VAV2: variants seen among roughly 807,000 people sequenced by gnomAD.
VAV2 encodes the protein guanine nucleotide exchange factor VAV2.
Under a neutral mutation model 132.5 loss-of-function variants are expected in VAV2, and 67 were observed. The observed-to-expected ratio is 0.51, with a 90% confidence interval of 0.42 to 0.62. VAV2 has a LOEUF of 0.62. VAV2 is among the 20% of genes least tolerant of loss of function. The pLI, the probability that VAV2 is intolerant of heterozygous loss-of-function variation, is 0.00. For missense variants in VAV2, 938 were observed against 1,153.6 expected (o/e 0.81, Z 2.71); for synonymous variants, 492 against 443.5 (o/e 1.11, Z -1.37).
At chr9:133,942,063 T>C (rs902330448) in intron 1 of VAV2, among the ~76,000 whole-genome samples, 2 of 152,214 alleles carry the variant, frequency 1.3e-5, no homozygotes, top group Non-Finnish European at 2.9e-5. Flanking sequence ...TGATGGTGCT[T>C]GCCAACAAAG....
chr9:133,934,047 G>A (rs959794284), intron 2 of VAV2, among the ~76,000 whole-genome samples: 5 of 150,582 alleles, frequency 3.3e-5, no homozygotes, highest in Admixed American at 3.3e-4. Flanking sequence ...TAGATGGATG[G>A]ACAGATGAAT....
Position 133,788,541 on chromosome 9 carries a change from C to T in VAV2, c.1275-55G>A, listed in dbSNP as rs371546104. On this transcript the variant is annotated intron_variant, in intron 14 of 29. Transcript: ENST00000371850. This position sits in a 1 kb window ranked among gnomAD's most constrained non-coding sequence, Gnocchi z 5.3. ...CACCCCAGCACTGTGTGCTCTGCTC[C>T]GAGGAGGCGGCAGGAGCTGAGCCTG... The T allele has an allele frequency of 5.0e-5, 78 of 1,572,330 alleles. 1 individual carries two copies. Among genetic ancestry groups the T allele is most frequent in the East Asian group, 4.8e-4 (21 of 43,788 alleles).
rs974961405 is a variant in VAV2, at chr9:133,848,053, G to A, written c.380+13321C>T. Among the ~76,000 whole-genome samples the A allele has an allele frequency of 3.3e-5, 5 of 152,116 alleles. No individual in the cohort carries two copies. In the South Asian group the frequency reaches 6.2e-4, roughly 19 times the overall value. On this transcript the variant is annotated intron_variant, in intron 3 of 29. Transcript: ENST00000371850. The stretch of plus-strand genomic sequence containing the variant: ...AGCACTTTGGGAGGCCGAGACGGGC[G>A]GATCACGAGGTCAGGAGATCGAGAC...
At chr9:133,859,852 C>T (rs140061052) in intron 3 of VAV2, among the ~76,000 whole-genome samples, 1 of 152,284 alleles carries the variant, frequency 6.6e-6, no homozygotes, top group East Asian at 1.9e-4. Context: ...TGGAAAATAG[C>T]CTATGCACCT....
At chr9:133,903,870 G>A (rs1400083143) in intron 2 of VAV2, among the ~76,000 whole-genome samples, 1 of 152,204 alleles carries the variant, frequency 6.6e-6, no homozygotes, top group African/African-American at 2.4e-5. Context: ...AAAGCCAGGG[G>A]AAGAGTTTGA....
chr9:133,862,916 G>A (rs561571744), intron 2 of VAV2, among the ~76,000 whole-genome samples: 77 of 152,302 alleles, frequency 5.1e-4, no homozygotes, highest in Non-Finnish European at 7.2e-4. Flanking sequence ...CCAAGGAGGC[G>A]GCGGCTGAGT....
intron 2 of VAV2, among the ~76,000 whole-genome samples, chr9:133,910,016 T>C (rs1191663633): frequency 1.3e-5 from 2 of 152,074 alleles, no homozygotes; most frequent in Admixed American, 1.3e-4. Context: ...ACACGAGCTA[T>C]GCCAGGCCAT....
intron 20 of VAV2, 131 bp downstream of exon 20, chr9:133,780,563 A>C (rs1485659742): frequency 8.6e-7 from 1 of 1,156,226 alleles, no homozygotes; most frequent in Non-Finnish European, 1.1e-6. Flanking sequence ...TCTTGTGACC[A>C]AAAGTGGCTC....
intron 9 of VAV2, among the ~76,000 whole-genome samples, chr9:133,805,314 G>C (rs2131680356): frequency 6.6e-6 from 1 of 152,268 alleles, no homozygotes; most frequent in South Asian, 2.1e-4. Flanking sequence ...AAGCTCCCCA[G>C]TGGCTCTAGT....
At chr9:133,775,262 A>G (rs1050681882) in intron 24 of VAV2, among the ~76,000 whole-genome samples, 1 of 152,208 alleles carries the variant, frequency 6.6e-6, no homozygotes, top group African/African-American at 2.4e-5. Flanking sequence ...CTACAGTGGG[A>G]TACAGTGAGG....
intron 2 of VAV2, among the ~76,000 whole-genome samples, chr9:133,914,931 G>A (rs1483916610): frequency 2.1e-5 from 3 of 141,732 alleles, no homozygotes; most frequent in Non-Finnish European, 3.1e-5. Flanking sequence ...CAAGGTCACC[G>A]GTCCACTCAG....
At chr9:133,887,009 C>T (rs76600745) in intron 2 of VAV2, among the ~76,000 whole-genome samples, 1 of 152,162 alleles carries the variant, frequency 6.6e-6, no homozygotes, top group African/African-American at 2.4e-5. Flanking sequence ...CAAGCCCCCC[C>T]TCCCCACCCC....
At chr9:133,942,560 C>T (rs1328233143) in intron 1 of VAV2, among the ~76,000 whole-genome samples, 1 of 152,272 alleles carries the variant, frequency 6.6e-6, no homozygotes, top group Non-Finnish European at 1.5e-5. Flanking sequence ...CCTGGCGTGA[C>T]TATTTTTTGA....
At chr9:133,807,590 T>C (rs1233685612) in intron 7 of VAV2, among the ~76,000 whole-genome samples, 1 of 152,182 alleles carries the variant, frequency 6.6e-6, no homozygotes, top group Non-Finnish European at 1.5e-5. Context: ...CAGGGTGGAC[T>C]TGGGCACTAT....
rs1169119767 is a variant in VAV2, at chr9:133,788,292, A to G, written c.1407+62T>C. On this transcript the variant is annotated intron_variant, in intron 15 of 29. Coordinates refer to ENST00000371850, the MANE Select transcript of VAV2 (RefSeq NM_001134398.2). The surrounding 1 kb of genome is among the most constrained non-coding windows in gnomAD (Gnocchi z 5.3). ...CCCCTTCCCCTGGGGTCTGGAACCC[A>G]GTGCCTCTCTCCAGGCCACCCCCAC... 1.5e-6 allele frequency: 2 copies of G among 1,319,586 alleles called. No homozygotes were observed. The highest frequency in any genetic ancestry group is 3.1e-5 in the African/African-American group (2 of 64,722). The allele number at this position is 1,319,586 out of a possible 1,614,324, so 81.7% of individuals were successfully genotyped here.
rs1835925141 is a variant in VAV2, at chr9:133,824,919, G to A, written c.449+9353C>T. Among the ~76,000 whole-genome samples, 1 of 151,974 alleles carries A rather than the reference G, an allele frequency of 6.6e-6. No individual in the cohort carries two copies. The highest frequency in any genetic ancestry group is 2.4e-5 in the African/African-American group (1 of 41,444). ...AGCGCTCAGGGAGATGCAACTGGAA[G>A]CGTCTTGACAGAGGGACCCTCCGGG... On this transcript the variant is annotated intron_variant, in intron 4 of 29. Coordinates refer to ENST00000371850, the MANE Select transcript of VAV2 (RefSeq NM_001134398.2). The surrounding 1 kb of genome is among the most constrained non-coding windows in gnomAD (Gnocchi z 5.2).
rs1482610736 is a variant in VAV2 at position 133,788,200 on chromosome 9, A to T, written c.1407+154T>A. On this transcript the variant is annotated intron_variant, in intron 15 of 29. Transcript: ENST00000371850. The surrounding 1 kb of genome is among the most constrained non-coding windows in gnomAD (Gnocchi z 5.3). ...ACGGCGAGGCAGTGACTCAGAGAGG[A>T]GCCTTCCTGCAGAGCGGAGACGCCC... 6.6e-6 allele frequency among the ~76,000 whole-genome samples: 1 copy of T among 152,074 alleles called. No homozygotes were observed. Among genetic ancestry groups the T allele is most frequent in the African/African-American group, 2.4e-5 (1 of 41,392 alleles).
At position 133,935,198 on chromosome 9, in the gene VAV2, G is replaced by A. The variant is rs1035961576; in HGVS notation, c.321+3905C>T. Among the ~76,000 whole-genome samples, 3 of 152,156 alleles carry A rather than the reference G, an allele frequency of 2.0e-5. No individual in the cohort carries two copies. The highest frequency in any genetic ancestry group is 2.9e-5 in the Non-Finnish European group (2 of 68,028). On this transcript the variant is annotated intron_variant, in intron 2 of 29. Coordinates refer to ENST00000371850, the MANE Select transcript of VAV2 (RefSeq NM_001134398.2). The surrounding 1 kb of genome is among the most constrained non-coding windows in gnomAD (Gnocchi z 5.2). ...TTGCTGGAGGCCGCCGAGCTCATTTGGAATGGCCAGGGCGTCCCAACTGGG... is the reference window on the plus strand; with the variant it reads ...TTGCTGGAGGCCGCCGAGCTCATTTAGAATGGCCAGGGCGTCCCAACTGGG...
Position 133,947,419 on chromosome 9 carries a change from G to A in VAV2, c.205-8200C>T, listed in dbSNP as rs560955960. ...GTATCTGCTTTAAAACTGGTCTGTC[G>A]TTGGGCGCGGTGGCTGACGCCTATA... On this transcript the variant is annotated intron_variant, in intron 1 of 29. Coordinates refer to ENST00000371850, the MANE Select transcript of VAV2 (RefSeq NM_001134398.2). Among the ~76,000 whole-genome samples the A allele has an allele frequency of 5.3e-5, 8 of 152,270 alleles. 1 individual carries two copies. The highest frequency in any genetic ancestry group is 1.4e-4 in the African/African-American group (6 of 41,552).
Sources: gnomAD v4.1 joint callset for allele counts (sites outside exome capture counted in the v4.1 genomes callset) on GRCh38, gnomAD v4.1.1 for gene constraint, Gnocchi (gnomAD v3.1) non-coding constraint, MANE v1.5 for transcripts, NCBI Gene and HGNC (gene_info 2026-07-23, HGNC 2026-07-21) for gene names.